The following SOX6 variants were observed in gnomAD, a reference collection of about 807,000 sequenced individuals.
SOX6 encodes transcription factor SOX-6.
SOX6 carries 11 observed loss-of-function variants against 97.8 expected under a neutral mutation model. The ratio of observed to expected loss-of-function variants is 0.11; its 90% CI spans 0.07 to 0.19. SOX6 has a LOEUF of 0.19. Among genes scored for constraint, SOX6 ranks in the 10% least tolerant of loss-of-function variants. The pLI is 1.00. For missense variants in SOX6, 810 were observed against 1,039.5 expected (o/e 0.78, Z 3.04); for synonymous variants, 360 against 371.4 (o/e 0.97, Z 0.35).
rs577958032 is a variant in SOX6, at chr11:16,136,627, A to G, written c.778-24704T>C. Among the ~76,000 whole-genome samples, 9 of 152,178 alleles carry G rather than the reference A, an allele frequency of 5.9e-5. No homozygotes were observed. The South Asian group carries it at 1.9e-3, about 32-fold the overall frequency. On this transcript the variant is annotated intron_variant, in intron 6 of 15. Transcript: ENST00000683767. The stretch of plus-strand genomic sequence containing the variant: ...TTTAAAAAATTTATTGTAGAAATAT[A>G]GTCTTGCCATCTTGCCCAGGCTGAT...
chr11:16,657,383 G>A (rs1336057385), intron 3 of SOX6, among the ~76,000 whole-genome samples: 1 of 152,150 alleles, frequency 6.6e-6, no homozygotes, highest in Non-Finnish European at 1.5e-5. Context: ...CCAAGTTTCA[G>A]CAATTATGAA....
intron 4 of SOX6, among the ~76,000 whole-genome samples, chr11:16,190,444 A>C (rs1468951476): frequency 2.6e-5 from 4 of 152,216 alleles, no homozygotes; most frequent in Non-Finnish European, 4.4e-5. Context: ...AACACAAATA[A>C]AACAACACAA....
At chr11:16,159,558 C>T (rs1033667892) in intron 6 of SOX6, among the ~76,000 whole-genome samples, 1 of 151,964 alleles carries the variant, frequency 6.6e-6, no homozygotes, top group Non-Finnish European at 1.5e-5. Flanking sequence ...GGTAAAAAGA[C>T]CTTTATGCAG....
chr11:15,997,238 G>A (rs1007875532), intron 13 of SOX6, among the ~76,000 whole-genome samples: 18 of 151,988 alleles, frequency 1.2e-4, no homozygotes, highest in African/African-American at 4.3e-4. Context: ...AATTTATAAC[G>A]AAGAACTTAT....
chr11:16,040,774 C>T (rs552928430), intron 12 of SOX6, among the ~76,000 whole-genome samples: 5 of 152,050 alleles, frequency 3.3e-5, no homozygotes, highest in Admixed American at 1.3e-4. Context: ...AAAGTGATCC[C>T]GAGCTGGTCT....
intron 3 of SOX6, among the ~76,000 whole-genome samples, chr11:16,694,678 A>C (rs1848040183): frequency 6.6e-6 from 1 of 152,226 alleles, no homozygotes; most frequent in Non-Finnish European, 1.5e-5. Flanking sequence ...GTCTTATATA[A>C]CTGGCAAGTA....
chr11:16,382,136 G>A (rs1306172703), intron 1 of SOX6, among the ~76,000 whole-genome samples: 2 of 151,824 alleles, frequency 1.3e-5, no homozygotes, highest in Non-Finnish European at 2.9e-5. Flanking sequence ...ATTATTAAAG[G>A]TTCTCTGGAT....
At chr11:16,349,755 G>T (rs1461872139) in intron 1 of SOX6, among the ~76,000 whole-genome samples, 1 of 148,660 alleles carries the variant, frequency 6.7e-6, no homozygotes, top group Non-Finnish European at 1.5e-5. Context: ...AAGGAAGGAA[G>T]GAAGGGAAGG....
At chr11:16,525,329 A>G (rs1192949861) in intron 4 of SOX6, among the ~76,000 whole-genome samples, 1 of 150,686 alleles carries the variant, frequency 6.6e-6, no homozygotes, top group Non-Finnish European at 1.5e-5. Flanking sequence ...ATAACGCCGC[A>G]TATCTACAAC....
intron 1 of SOX6, among the ~76,000 whole-genome samples, chr11:16,375,888 T>C (rs1442987729): frequency 6.6e-6 from 1 of 152,060 alleles, no homozygotes; most frequent in Non-Finnish European, 1.5e-5. Flanking sequence ...TGAAAGAACA[T>C]GGATGAAGCT....
intron 1 of SOX6, among the ~76,000 whole-genome samples, chr11:16,369,121 A>G (rs1262228988): frequency 6.6e-6 from 1 of 152,104 alleles, no homozygotes; most frequent in Non-Finnish European, 1.5e-5. Flanking sequence ...CAATAAATAT[A>G]TGAAAAGATG....
chr11:16,227,847 C>G (rs935185756), intron 4 of SOX6, among the ~76,000 whole-genome samples: 8 of 152,138 alleles, frequency 5.3e-5, no homozygotes, highest in Admixed American at 3.9e-4. Context: ...ATGTTCAGAA[C>G]TCTTTACTAT....
chr11:16,265,856 T>A lies in SOX6; in HGVS notation c.446-31185A>T, dbSNP rs79574108. ...GTCCAATTAAATATTGCAGAAAAAA[T>A]TAGTAATCTTGTTGACATAGCAGTA... On this transcript the variant is annotated intron_variant, in intron 3 of 15. Transcript: ENST00000683767. Among the ~76,000 whole-genome samples, 1,371 of 151,494 alleles carry A rather than the reference T, an allele frequency of 9.0e-3. 25 individuals carry two copies. The highest frequency in any genetic ancestry group is 0.031 in the African/African-American group (1,268 of 41,396).
chr11:16,358,964 C>T (rs1205611165), upstream of SOX6, among the ~76,000 whole-genome samples: 3 of 152,084 alleles, frequency 2.0e-5, no homozygotes, highest in African/African-American at 7.2e-5. Flanking sequence ...ATACTGACTG[C>T]CAGACAGACA....
At chr11:16,415,083 A>G (rs992013650) in intron 1 of SOX6, among the ~76,000 whole-genome samples, 7 of 152,088 alleles carry the variant, frequency 4.6e-5, no homozygotes, top group Non-Finnish European at 8.8e-5. Flanking sequence ...TCTTTTTTCA[A>G]TATTTTTATT....
At chr11:16,310,825 T>C (rs1054852813) in intron 3 of SOX6, among the ~76,000 whole-genome samples, 1 of 152,076 alleles carries the variant, frequency 6.6e-6, no homozygotes, top group African/African-American at 2.4e-5. Flanking sequence ...TTCACCAATA[T>C]AACTTTCAAT....
In SOX6 at chr11:16,534,992, A is replaced by T. The variant is rs1056764009; in HGVS notation, n.610-58604T>A. Reference sequence around the variant, plus strand: ...ACTGAGTATTGACTAGTTAGGAATTATCCTTAACCTAAGCCACAAGCAGAG... The same window carrying T: ...ACTGAGTATTGACTAGTTAGGAATTTTCCTTAACCTAAGCCACAAGCAGAG... On this transcript the variant is annotated intron_variant and non_coding_transcript_variant, in intron 4 of 5. Coordinates refer to the SOX6 transcript ENST00000524520. Among the ~76,000 whole-genome samples the T allele has an allele frequency of 1.1e-4, 16 of 152,200 alleles. 1 individual carries two copies. The highest frequency in any genetic ancestry group is 1.2e-4 in the Non-Finnish European group (8 of 68,044).
At chr11:16,118,185 G>C in intron 6 of SOX6, among the ~76,000 whole-genome samples, 1 of 152,248 alleles carries the variant, frequency 6.6e-6, no homozygotes, top group East Asian at 1.9e-4. Context: ...CCAAGTAACC[G>C]GAAACCCCAT....
At chr11:16,010,093 C>A (rs532841455) in intron 13 of SOX6, among the ~76,000 whole-genome samples, 2 of 139,074 alleles carry the variant, frequency 1.4e-5, no homozygotes, top group South Asian at 4.9e-4. Context: ...AAAAAAATAT[C>A]CTGAGATATA....
Sources: allele counts gnomAD v4.1 joint callset (sites outside exome capture counted in the v4.1 genomes callset), GRCh38; gene constraint gnomAD v4.1.1; transcripts MANE v1.5; gene names NCBI Gene and HGNC (gene_info 2026-07-23, HGNC 2026-07-21).